Variants in KIAA0319 observed in about 807,000 individuals in gnomAD.
KIAA0319 encodes the protein dyslexia-associated protein KIAA0319.
A neutral mutation model predicts 108.4 loss-of-function variants in KIAA0319; 83 were observed. The ratio of observed to expected loss-of-function variants is 0.77; its 90% CI spans 0.64 to 0.92. KIAA0319 has a LOEUF of 0.92. Ranked by LOEUF, KIAA0319 falls within the 40% of genes least tolerant of loss-of-function variation. The pLI, the probability that KIAA0319 is intolerant of heterozygous loss-of-function variation, is 0.00. For missense variants in KIAA0319, 1,195 were observed against 1,322.4 expected (o/e 0.90, Z 1.49); for synonymous variants, 484 against 510.4 (o/e 0.95, Z 0.70).
At chr6:24,629,528 A>AAAAAAAAAAAAAG (rs1156657922) in intron 1 of KIAA0319, among the ~76,000 whole-genome samples, 4 of 148,608 alleles carry the variant, frequency 2.7e-5, no homozygotes, top group Non-Finnish European at 6.0e-5. Flanking sequence ...AAAAAAAAAA[A>AAAAAAAAAAAAAG]AAAGAAAGAA....
rs397974257 is a variant in KIAA0319, at chr6:24,629,514, C to CAAAAAAA, written c.-106+16215_-106+16221dup. 2.1e-4 allele frequency among the ~76,000 whole-genome samples: 9 copies of CAAAAAAA among 42,398 alleles called. 2 individuals carry two copies. Among genetic ancestry groups the CAAAAAAA allele is most frequent in the African/African-American group, 7.8e-4 (7 of 9,028 alleles). The allele number at this position is 42,398 out of a possible 152,430, so 27.8% of individuals were successfully genotyped here. ...TGGGCAACAGAGTGAGACTCTGTCTCAAAAAAAAAAAAAAAAAGAAAGAAA... is the reference window on the plus strand; with the variant it reads ...TGGGCAACAGAGTGAGACTCTGTCTCAAAAAAAAAAAAAAAAAAAAAAAAGAAAGAAA... On this transcript the variant is annotated intron_variant, in intron 1 of 20. Coordinates refer to ENST00000378214, the MANE Select transcript of KIAA0319 (RefSeq NM_014809.4).
chr6:24,559,397 A>C (rs1386192134), intron 16 of KIAA0319, among the ~76,000 whole-genome samples: 1 of 152,232 alleles, frequency 6.6e-6, no homozygotes, highest in African/African-American at 2.4e-5. Context: ...GCAATGTGTA[A>C]ATTATGTATC....
At chr6:24,568,637 C>CT (rs926946886) in intron 13 of KIAA0319, 144 bp downstream of exon 13, 2 of 760,626 alleles carry the variant, frequency 2.6e-6, no homozygotes, top group Non-Finnish European at 4.0e-6. Flanking sequence ...AGAAAGTTGG[C>CT]TTTTTTTCAG....
At chr6:24,627,266 T>G (rs1183819303) in intron 1 of KIAA0319, among the ~76,000 whole-genome samples, 1 of 152,196 alleles carries the variant, frequency 6.6e-6, no homozygotes, top group African/African-American at 2.4e-5. Context: ...GACATCCTTA[T>G]GTGTACAGTG....
intron 11 of KIAA0319, among the ~76,000 whole-genome samples, chr6:24,570,962 A>G (rs572383660): frequency 2.0e-5 from 3 of 152,076 alleles, no homozygotes; most frequent in Admixed American, 6.5e-5. Flanking sequence ...AGGCCGAGGC[A>G]GGGGATCACT....
chr6:24,634,791 C>T (rs1168043511), intron 1 of KIAA0319, among the ~76,000 whole-genome samples: 1 of 152,116 alleles, frequency 6.6e-6, no homozygotes, highest in Non-Finnish European at 1.5e-5. Flanking sequence ...TAAGGATATG[C>T]CTGGAAGAAA....
At chr6:24,622,080 G>A (rs1486954025) in intron 1 of KIAA0319, among the ~76,000 whole-genome samples, 1 of 152,148 alleles carries the variant, frequency 6.6e-6, no homozygotes, top group African/African-American at 2.4e-5. Flanking sequence ...TTATTCTGAA[G>A]CACCACACCT....
Position 24,596,116 on chromosome 6 carries a change from G to T in KIAA0319, c.558C>A (p.Gly186=), listed in dbSNP as rs1339600954. ...PRGSAEYTDW[G]LLPGSEGAFN... ...AGGCCCCCTCGCTGCCCGGCAGTAGGCCCCAGTCCGTGTACTCGGCACTCC... is the reference window on the plus strand; with the variant it reads ...AGGCCCCCTCGCTGCCCGGCAGTAGTCCCCAGTCCGTGTACTCGGCACTCC... The change falls in exon 3 of 21, where the codon GGC becomes GGA. Residue 186 remains glycine (G), a synonymous_variant. Coordinates refer to ENST00000378214, the MANE Select transcript of KIAA0319 (RefSeq NM_014809.4). 1 of 1,614,144 alleles carries T rather than the reference G, an allele frequency of 6.2e-7. No individual in the cohort carries two copies. The highest frequency in any genetic ancestry group is 2.2e-5 in the East Asian group (1 of 44,872).
chr6:24,612,943 C>T (rs1359331199), intron 1 of KIAA0319, among the ~76,000 whole-genome samples: 9 of 152,104 alleles, frequency 5.9e-5, no homozygotes, highest in South Asian at 4.1e-4. Flanking sequence ...GGACTACAGG[C>T]GCCCGCCACC....
chr6:24,583,110 C>G, intron 5 of KIAA0319: 2 of 985,476 alleles, frequency 2.0e-6, no homozygotes, highest in Non-Finnish European at 2.4e-6. Context: ...CAAATGCTTA[C>G]TGAATGGTAG....
At chr6:24,579,403 C>A (rs899116982) in intron 8 of KIAA0319, among the ~76,000 whole-genome samples, 118 of 105,154 alleles carry the variant, frequency 1.1e-3, no homozygotes, top group African/African-American at 5.1e-3. Context: ...GGGAGCTCCT[C>A]TATATAAAGA....
chr6:24,629,929 G>A (rs1373773611), intron 1 of KIAA0319, among the ~76,000 whole-genome samples: 2 of 152,172 alleles, frequency 1.3e-5, no homozygotes, highest in East Asian at 1.9e-4. Flanking sequence ...GCTCATGCCT[G>A]TAATCTCAAT....
chr6:24,570,155 G>A, intron 11 of KIAA0319, 120 bp from the exon 12 acceptor site: 1 of 921,592 alleles, frequency 1.1e-6, no homozygotes, highest in Non-Finnish European at 1.6e-6. Context: ...AGAGTATGCA[G>A]CATCCTTTGG....
At chr6:24,633,624 A>G (rs1420474308) in intron 1 of KIAA0319, among the ~76,000 whole-genome samples, 2 of 152,140 alleles carry the variant, frequency 1.3e-5, no homozygotes, top group Admixed American at 6.5e-5. Context: ...AGAAGAATGA[A>G]TTAAAACTCA....
At chr6:24,557,065 C>T (rs1762399554) in intron 17 of KIAA0319, among the ~76,000 whole-genome samples, 1 of 152,142 alleles carries the variant, frequency 6.6e-6, no homozygotes, top group Non-Finnish European at 1.5e-5. Context: ...ATTAGCTGGG[C>T]ATGGTGGCAC....
chr6:24,601,153 G>A lies in KIAA0319; in HGVS notation c.-50C>T. Reference sequence around the variant, plus strand: ...CAGGCTTCTGAGGCGGCCCTGAAGAGAGTTTGGTGCAAGCTTCCTTTGATG... The same window carrying A: ...CAGGCTTCTGAGGCGGCCCTGAAGAAAGTTTGGTGCAAGCTTCCTTTGATG... On this transcript the variant is annotated 5_prime_UTR_variant, in exon 2 of 21. Coordinates refer to ENST00000378214, the MANE Select transcript of KIAA0319 (RefSeq NM_014809.4). The A allele has an allele frequency of 1.2e-6, 2 of 1,604,678 alleles. No individual in the cohort carries two copies. The highest frequency in any genetic ancestry group is 2.2e-5 in the South Asian group (2 of 89,228).
chr6:24,571,946 G>A (rs1459132948), intron 11 of KIAA0319, among the ~76,000 whole-genome samples: 1 of 152,226 alleles, frequency 6.6e-6, no homozygotes, highest in Non-Finnish European at 1.5e-5. Context: ...CCCTGCAAGG[G>A]CAGAGATCAA....
At chr6:24,571,835 A>ATC (rs1394351841) in intron 11 of KIAA0319, among the ~76,000 whole-genome samples, 11 of 152,184 alleles carry the variant, frequency 7.2e-5, no homozygotes, top group African/African-American at 2.7e-4. Flanking sequence ...TTGCAGATGC[A>ATC]TCTCACCCAG....
In KIAA0319 at chr6:24,596,201, T is replaced by C; in HGVS notation, c.473A>G (p.Asp158Gly). 3 of 1,614,158 alleles carry C rather than the reference T, an allele frequency of 1.9e-6. No homozygotes were observed. Among genetic ancestry groups the C allele is most frequent in the Non-Finnish European group, 2.5e-6 (3 of 1,180,044 alleles). ...GTCCTTCTCCAGCTCCCGGTAGTCA[T>C]CTGAGTACTCAGACATCTCCTCTAG... Reference protein sequence around the residue: ...WGLEEMSEYSDDYRELEKDLL... With the variant: ...WGLEEMSEYSGDYRELEKDLL... The change falls in exon 3 of 21, where the codon GAT (aspartate) becomes GGT (glycine). Residue 158 changes from aspartate to glycine, a missense_variant. Transcript: ENST00000378214.
Sources: allele counts gnomAD v4.1 joint callset (sites outside exome capture counted in the v4.1 genomes callset), GRCh38; gene constraint gnomAD v4.1.1; transcripts MANE v1.5; gene names NCBI Gene and HGNC (gene_info 2026-07-23, HGNC 2026-07-21).